CDH13: variants seen among roughly 807,000 people sequenced by gnomAD.
The protein encoded by CDH13 is cadherin-13.
A neutral mutation model predicts 63.8 loss-of-function variants in CDH13; 24 were observed. The observed-to-expected ratio is 0.38, with a 90% CI of 0.27 to 0.53. The LOEUF (loss-of-function observed/expected upper bound fraction) is 0.53, where lower values mean the gene tolerates loss of function less well. CDH13 is among the 20% of genes least tolerant of loss of function. The pLI is 0.85. For missense variants in CDH13, 1,049 were observed against 903.1 expected (o/e 1.16, Z -2.07); for synonymous variants, 503 against 355.3 (o/e 1.42, Z -4.67).
At position 83,654,262 on chromosome 16, in the gene CDH13, C is replaced by G. The variant is rs540047742; in HGVS notation, c.1102-16528C>G. Among the ~76,000 whole-genome samples the G allele has an allele frequency of 2.0e-4, 31 of 151,698 alleles. 1 individual carries two copies. Among genetic ancestry groups the G allele is most frequent in the African/African-American group, 6.8e-4 (28 of 41,424 alleles). On this transcript the variant is annotated intron_variant, in intron 8 of 13. Transcript: ENST00000567109. ...TAAAAATGGCAAAAAATTGCAATTACTTTTGCACCAACCTGATACATCTAT... is the reference window on the plus strand; with the variant it reads ...TAAAAATGGCAAAAAATTGCAATTAGTTTTGCACCAACCTGATACATCTAT...
intron 6 of CDH13, among the ~76,000 whole-genome samples, chr16:83,416,206 T>A (rs2071543294): frequency 6.6e-6 from 1 of 152,198 alleles, no homozygotes; most frequent in Admixed American, 6.5e-5. Flanking sequence ...GTGAAAGACA[T>A]GTATTCTGAA....
intron 1 of CDH13, among the ~76,000 whole-genome samples, chr16:82,694,810 G>C (rs2030059931): frequency 6.6e-6 from 1 of 152,182 alleles, no homozygotes; most frequent in Non-Finnish European, 1.5e-5. Context: ...GGAGGAGGAT[G>C]ACTATGCCTA....
chr16:83,692,915 C>G (rs1457791867), intron 10 of CDH13, among the ~76,000 whole-genome samples: 2 of 152,102 alleles, frequency 1.3e-5, no homozygotes, highest in Non-Finnish European at 2.9e-5. Flanking sequence ...AACCCCGCCT[C>G]TACTAAAAAA....
Position 83,553,029 on chromosome 16 carries a change from A to G in CDH13, c.961-49425A>G, listed in dbSNP as rs2075536376. Among the ~76,000 whole-genome samples, 3 of 151,316 alleles carry G rather than the reference A, an allele frequency of 2.0e-5. No homozygotes were observed. In the South Asian group the frequency reaches 6.3e-4, roughly 32 times the overall value. ...AGGAGGCAGAGGTTGCAGTGAGCTG[A>G]GATCGCGTCACTGCACCGTAGCCTG... On this transcript the variant is annotated intron_variant, in intron 7 of 13. Transcript: ENST00000567109.
intron 10 of CDH13, among the ~76,000 whole-genome samples, chr16:83,723,569 T>A (rs967071112): frequency 1.3e-5 from 2 of 152,192 alleles, no homozygotes; most frequent in African/African-American, 2.4e-5. Context: ...CTTTCCCTGA[T>A]CACCTTCGCT....
intron 1 of CDH13, among the ~76,000 whole-genome samples, chr16:82,732,249 G>A (rs1295074978): frequency 6.6e-6 from 1 of 151,984 alleles, no homozygotes; most frequent in African/African-American, 2.4e-5. Flanking sequence ...TATTATGTTT[G>A]TAGCTGAACT....
At chr16:83,080,482 T>C (rs1298175368) in intron 3 of CDH13, among the ~76,000 whole-genome samples, 4 of 152,184 alleles carry the variant, frequency 2.6e-5, no homozygotes, top group African/African-American at 9.7e-5. Flanking sequence ...GAGCCAGATG[T>C]TCCACTGAAC....
At chr16:83,170,189 C>A (rs1306607724) in intron 4 of CDH13, among the ~76,000 whole-genome samples, 2 of 152,082 alleles carry the variant, frequency 1.3e-5, no homozygotes, top group Non-Finnish European at 2.9e-5. Context: ...TGTCTTAACA[C>A]ATGACAATAA....
intron 7 of CDH13, among the ~76,000 whole-genome samples, chr16:83,521,387 T>C (rs780464253): frequency 8.6e-5 from 13 of 151,436 alleles, no homozygotes; most frequent in Non-Finnish European, 1.6e-4. Flanking sequence ...GAAAAAAAAT[T>C]GTATTTTTAT....
chr16:83,187,004 T>C (rs1336807473), intron 4 of CDH13, among the ~76,000 whole-genome samples: 1 of 152,174 alleles, frequency 6.6e-6, no homozygotes, highest in Non-Finnish European at 1.5e-5. Context: ...GGAGTCTCGC[T>C]CTGTCACCCA....
chr16:83,636,803 G>T (rs745803699), intron 8 of CDH13, among the ~76,000 whole-genome samples: 1 of 152,158 alleles, frequency 6.6e-6, no homozygotes, highest in East Asian at 1.9e-4. Context: ...GCCAAATGGT[G>T]CTTCAACTCT....
At chr16:83,030,470 C>G (rs948523904) in intron 2 of CDH13, among the ~76,000 whole-genome samples, 8 of 151,820 alleles carry the variant, frequency 5.3e-5, no homozygotes, top group Non-Finnish European at 1.2e-4. Flanking sequence ...GGTGAAACCC[C>G]CATCTCTACT....
At chr16:83,392,014 G>C (rs914650236) in intron 6 of CDH13, among the ~76,000 whole-genome samples, 1 of 152,118 alleles carries the variant, frequency 6.6e-6, no homozygotes, top group Non-Finnish European at 1.5e-5. Context: ...ATGCATCGCG[G>C]GGTGTCTAAC....
rs1917907206 is a variant in CDH13 at position 83,047,485 on chromosome 16, C to G, written c.366+15267C>G. Among the ~76,000 whole-genome samples the G allele has an allele frequency of 6.6e-6, 1 of 152,078 alleles. No homozygotes were observed. Among genetic ancestry groups the G allele is most frequent in the South Asian group, 2.1e-4 (1 of 4,822 alleles). ...GTTATCTGTAATTTCCTCTTTCCCT[C>G]AGGCCTTTGCGTAATATTTTCTCTG... On this transcript the variant is annotated intron_variant, in intron 3 of 13. Transcript: ENST00000567109. The surrounding 1 kb of genome is among the most constrained non-coding windows in gnomAD (Gnocchi z 4.9).
chr16:83,201,476 A>C (rs2039026740), intron 4 of CDH13, among the ~76,000 whole-genome samples: 1 of 151,864 alleles, frequency 6.6e-6, no homozygotes, highest in Non-Finnish European at 1.5e-5. Context: ...GCAACAATGT[A>C]ATGAGCCACA....
At chr16:83,239,877 A>T (rs1904305399) in intron 5 of CDH13, among the ~76,000 whole-genome samples, 1 of 152,146 alleles carries the variant, frequency 6.6e-6, no homozygotes, top group Non-Finnish European at 1.5e-5. Context: ...GGGGCAGGGG[A>T]GCTGGAGGAG....
At position 83,047,046 on chromosome 16, in the gene CDH13, C is replaced by A. The variant is rs531757500; in HGVS notation, c.366+14828C>A. On this transcript the variant is annotated intron_variant, in intron 3 of 13. Coordinates refer to ENST00000567109, the MANE Select transcript of CDH13 (RefSeq NM_001257.5). The surrounding 1 kb of genome is among the most constrained non-coding windows in gnomAD (Gnocchi z 4.9). ...TTGACAGAGAATGTGCACTGTCAAC[C>A]AACCCCTTCATCGAGTCAGGCAAAT... Among the ~76,000 whole-genome samples the A allele has an allele frequency of 1.3e-5, 2 of 152,274 alleles. No individual in the cohort carries two copies. Among genetic ancestry groups the A allele is most frequent in the South Asian group, 2.1e-4 (1 of 4,820 alleles).
At chr16:83,559,170 G>T (rs2075655287) in intron 7 of CDH13, among the ~76,000 whole-genome samples, 1 of 152,206 alleles carries the variant, frequency 6.6e-6, no homozygotes, top group South Asian at 2.1e-4. Flanking sequence ...AAAAGTTAAG[G>T]AAGCAGTTCT....
intron 1 of CDH13, among the ~76,000 whole-genome samples, chr16:82,834,158 A>T (rs1428972338): frequency 6.6e-6 from 1 of 152,220 alleles, no homozygotes; most frequent in Non-Finnish European, 1.5e-5. Context: ...CTAAAGGCAA[A>T]CTACCGGACC....
Sources: gnomAD v4.1 joint callset for allele counts (sites outside exome capture counted in the v4.1 genomes callset) on GRCh38, gnomAD v4.1.1 for gene constraint, Gnocchi (gnomAD v3.1) non-coding constraint, MANE v1.5 for transcripts, NCBI Gene and HGNC (gene_info 2026-07-23, HGNC 2026-07-21) for gene names.